Variants in GLIS1 observed in about 807,000 individuals in gnomAD.
GLIS1 encodes the protein zinc finger protein GLIS1.
Under a neutral mutation model 63.8 loss-of-function variants are expected in GLIS1, and 24 were observed. That is an observed-to-expected ratio of 0.38 (90% CI 0.27 to 0.53). The LOEUF (loss-of-function observed/expected upper bound fraction) is 0.53. GLIS1 is among the 20% of genes least tolerant of loss of function. GLIS1 has a pLI of 0.85. For missense variants in GLIS1, 1,036 were observed against 1,074.1 expected (o/e 0.96, Z 0.50); for synonymous variants, 450 against 482.5 (o/e 0.93, Z 0.88).
chr1:53,520,169 G>A (rs1644391654), intron 7 of GLIS1, among the ~76,000 whole-genome samples: 1 of 152,186 alleles, frequency 6.6e-6, no homozygotes, highest in Admixed American at 6.5e-5. Flanking sequence ...TGGAGGAGGG[G>A]ACAAGGAGGT....
intron 2 of GLIS1, among the ~76,000 whole-genome samples, chr1:53,609,500 A>T (rs968221867): frequency 6.6e-6 from 1 of 151,882 alleles, no homozygotes; most frequent in African/African-American, 2.4e-5. Flanking sequence ...TGAACTCCTG[A>T]CCTCATGATC....
intron 4 of GLIS1, among the ~76,000 whole-genome samples, chr1:53,530,201 C>G (rs1362010620): frequency 1.3e-5 from 2 of 152,184 alleles, no homozygotes; most frequent in African/African-American, 4.8e-5. Flanking sequence ...AAGAAAGTGG[C>G]CTTTCCAGTT....
At chr1:53,548,679 G>A (rs1257276844) in intron 4 of GLIS1, among the ~76,000 whole-genome samples, 7 of 152,190 alleles carry the variant, frequency 4.6e-5, no homozygotes, top group South Asian at 2.1e-4. Flanking sequence ...AAGGTCAAGC[G>A]TGGGCCAGAT....
chr1:53,542,650 G>C (rs999088521), intron 4 of GLIS1, among the ~76,000 whole-genome samples: 3 of 152,224 alleles, frequency 2.0e-5, no homozygotes, highest in Non-Finnish European at 2.9e-5. Flanking sequence ...GCTGGGACAG[G>C]GACATTGGAG....
At chr1:53,709,300 T>C (rs1032908707) in intron 2 of GLIS1, among the ~76,000 whole-genome samples, 3 of 134,714 alleles carry the variant, frequency 2.2e-5, no homozygotes, top group Non-Finnish European at 3.2e-5. Flanking sequence ...GAAGTAAATA[T>C]AAATTTATAT....
chr1:53,731,399 G>A (rs755692924), intron 2 of GLIS1, among the ~76,000 whole-genome samples: 3 of 152,184 alleles, frequency 2.0e-5, no homozygotes, highest in Non-Finnish European at 4.4e-5. Context: ...GTGGCTGTCT[G>A]GGCCCCCTGC....
chr1:53,524,576 G>A (rs971042559), intron 6 of GLIS1, among the ~76,000 whole-genome samples: 1 of 152,206 alleles, frequency 6.6e-6, no homozygotes, highest in African/African-American at 2.4e-5. Context: ...CTGGGGGTGT[G>A]GAAGGAAGGG....
intron 4 of GLIS1, among the ~76,000 whole-genome samples, chr1:53,559,566 C>T (rs947917994): frequency 6.6e-6 from 1 of 152,288 alleles, no homozygotes; most frequent in Admixed American, 6.5e-5. Flanking sequence ...CTGGCTAGCC[C>T]CTCCCATCAC....
chr1:53,660,903 C>G (rs1646020814), intron 2 of GLIS1, among the ~76,000 whole-genome samples: 1 of 152,082 alleles, frequency 6.6e-6, no homozygotes, highest in Admixed American at 6.5e-5. Flanking sequence ...CAGGGTGGAC[C>G]ACAGTCAGCA....
chr1:53,687,538 G>A (rs1026494009), intron 2 of GLIS1, among the ~76,000 whole-genome samples: 3 of 152,150 alleles, frequency 2.0e-5, no homozygotes, highest in East Asian at 1.9e-4. Context: ...TGTGAGAGCC[G>A]AGGAGCTTCC....
chr1:53,565,474 G>A (rs1003733355), intron 4 of GLIS1, among the ~76,000 whole-genome samples: 14 of 151,878 alleles, frequency 9.2e-5, no homozygotes, highest in Admixed American at 7.2e-4. Flanking sequence ...ACAAACCTCC[G>A]ATGAAATAAT....
At chr1:53,717,132 T>C (rs1219533632) in intron 2 of GLIS1, among the ~76,000 whole-genome samples, 1 of 152,208 alleles carries the variant, frequency 6.6e-6, no homozygotes, top group Non-Finnish European at 1.5e-5. Context: ...TGATGCCAGA[T>C]GGCCCAACTT....
At chr1:53,565,191 T>G (rs1023805730) in intron 4 of GLIS1, among the ~76,000 whole-genome samples, 3 of 152,040 alleles carry the variant, frequency 2.0e-5, no homozygotes, top group African/African-American at 7.2e-5. Flanking sequence ...TTATTGCAAC[T>G]GAACTATAAT....
intron 6 of GLIS1, among the ~76,000 whole-genome samples, chr1:53,523,201 C>T (rs1000934607): frequency 4.6e-5 from 7 of 152,096 alleles, no homozygotes; most frequent in Admixed American, 3.9e-4. Context: ...CCCCTCCCTC[C>T]TCAGGGAACA....
chr1:53,655,431 T>C (rs1645954810), intron 2 of GLIS1, among the ~76,000 whole-genome samples: 1 of 152,232 alleles, frequency 6.6e-6, no homozygotes, highest in African/African-American at 2.4e-5. Flanking sequence ...TTATATGGCC[T>C]TGGGGTGCAA....
intron 2 of GLIS1, among the ~76,000 whole-genome samples, chr1:53,708,138 C>G (rs1253506978): frequency 6.6e-6 from 1 of 152,010 alleles, no homozygotes; most frequent in Non-Finnish European, 1.5e-5. Context: ...AAAAAATTAG[C>G]TGGGCGTGGT....
At chr1:53,537,242 G>A (rs981951461) in intron 4 of GLIS1, among the ~76,000 whole-genome samples, 1 of 152,210 alleles carries the variant, frequency 6.6e-6, no homozygotes, top group Non-Finnish European at 1.5e-5. Flanking sequence ...TGGCTCAGAC[G>A]TTCAAGTTGC....
At chr1:53,612,864 G>C (rs1645440063) in intron 2 of GLIS1, among the ~76,000 whole-genome samples, 1 of 147,688 alleles carries the variant, frequency 6.8e-6, no homozygotes, top group Admixed American at 6.8e-5. Context: ...TGTCACCCAG[G>C]CTGGAGTGCA....
At chr1:53,697,388 C>G (rs781738695) in intron 2 of GLIS1, among the ~76,000 whole-genome samples, 1 of 152,184 alleles carries the variant, frequency 6.6e-6, no homozygotes. Flanking sequence ...ACATGCAGTT[C>G]CTCCCCACCG....
Sources: gnomAD v4.1 joint callset for allele counts (sites outside exome capture counted in the v4.1 genomes callset) on GRCh38, gnomAD v4.1.1 for gene constraint, MANE v1.5 for transcripts, NCBI Gene and HGNC (gene_info 2026-07-23, HGNC 2026-07-21) for gene names.